The following TNR variants were observed in gnomAD, a reference collection of about 807,000 sequenced individuals.
The protein encoded by TNR is tenascin-R.
TNR carries 45 observed loss-of-function variants against 150.4 expected under a neutral mutation model. The observed-to-expected ratio is 0.30, with a 90% CI of 0.24 to 0.38. TNR has a LOEUF of 0.38. Among genes scored for constraint, TNR ranks in the 10% least tolerant of loss-of-function variants. TNR has a pLI of 1.00. For synonymous variants in TNR, 687 were observed against 678.4 expected (o/e 1.01, Z -0.20); for missense variants, 1,544 against 1,759.1 (o/e 0.88, Z 2.19).
intron 2 of TNR, among the ~76,000 whole-genome samples, chr1:175,508,716 G>A (rs1054151831): frequency 5.9e-5 from 9 of 152,184 alleles, no homozygotes; most frequent in African/African-American, 2.2e-4. Context: ...CCAGCTAACA[G>A]CTTGATTGTA....
chr1:175,330,242 A>G lies in TNR; in HGVS notation c.3632-7T>C. 6.5e-7 allele frequency: 1 copy of G among 1,529,206 alleles called. No individual in the cohort carries two copies. Among genetic ancestry groups the G allele is most frequent in the Non-Finnish European group, 8.9e-7 (1 of 1,125,920 alleles). 94.7% of individuals were successfully genotyped at this position (1,529,206 alleles called of 1,614,324 possible). A position where few individuals can be genotyped will look rare whatever the true frequency, so the allele number is the denominator to read the frequency against. On this transcript the variant is annotated splice_polypyrimidine_tract_variant and splice_region_variant and intron_variant, in intron 20 of 22. Coordinates refer to ENST00000367674, the MANE Select transcript of TNR (RefSeq NM_003285.3). ...CTGTGTATATTGTCCAGCCCTGTGG[A>G]GAAGAGCAGAAAATGCACTGAGACT...
chr1:175,617,245 T>C (rs1048165862), intron 1 of TNR, among the ~76,000 whole-genome samples: 2 of 152,218 alleles, frequency 1.3e-5, no homozygotes, highest in African/African-American at 4.8e-5. Context: ...AAAATATCTC[T>C]TCCTCAGAAT....
intron 7 of TNR, among the ~76,000 whole-genome samples, chr1:175,390,944 G>A (rs1653139819): frequency 5.3e-5 from 8 of 152,214 alleles, no homozygotes; most frequent in Admixed American, 5.2e-4. Flanking sequence ...ATCATCATAG[G>A]TAAGAATGAG....
chr1:175,408,975 C>A (rs965937416), intron 2 of TNR, among the ~76,000 whole-genome samples: 5 of 152,310 alleles, frequency 3.3e-5, no homozygotes, highest in East Asian at 1.9e-4. Flanking sequence ...CACTTCCAGA[C>A]AAGGTAAATA....
intron 2 of TNR, among the ~76,000 whole-genome samples, chr1:175,507,233 A>G (rs757142703): frequency 6.6e-6 from 1 of 152,106 alleles, no homozygotes; most frequent in South Asian, 2.1e-4. Flanking sequence ...ACGAGGATGG[A>G]GTTGCTATGA....
chr1:175,367,080 A>G, intron 10 of TNR, 128 bp downstream of exon 10: 1 of 741,178 alleles, frequency 1.3e-6, no homozygotes, highest in East Asian at 2.6e-5. Context: ...CTAGGCTGAC[A>G]GTTGTCACCA....
intron 1 of TNR, among the ~76,000 whole-genome samples, chr1:175,634,985 TCCCTA>T (rs1664451336): frequency 6.6e-6 from 1 of 152,044 alleles, no homozygotes; most frequent in South Asian, 2.1e-4. Context: ...AAGCCACGGG[TCCCTA>T]CCTAGCCCCT....
intron 1 of TNR, among the ~76,000 whole-genome samples, chr1:175,666,183 CAGAG>C (rs1665527882): frequency 6.6e-6 from 1 of 152,164 alleles, no homozygotes; most frequent in Non-Finnish European, 1.5e-5. Context: ...CATTGAGACT[CAGAG>C]AGGTTGTACG....
rs186883354 is a variant in TNR at position 175,739,964 on chromosome 1, T to G, written c.-165+3262A>C. Among the ~76,000 whole-genome samples the G allele has an allele frequency of 5.0e-3, 766 of 152,326 alleles. 5 individuals carry two copies. Among genetic ancestry groups the G allele is most frequent in the Non-Finnish European group, 6.6e-3 (450 of 68,018 alleles). ...TATGAACTCCATCAAATAACTCAGGTCAGCTCTGAGGCAGTTGCCTGCAGG... is the reference window on the plus strand; with the variant it reads ...TATGAACTCCATCAAATAACTCAGGGCAGCTCTGAGGCAGTTGCCTGCAGG... On this transcript the variant is annotated intron_variant, in intron 1 of 22. Transcript: ENST00000367674.
intron 2 of TNR, among the ~76,000 whole-genome samples, chr1:175,437,098 C>A (rs1354326472): frequency 1.3e-5 from 2 of 152,190 alleles, no homozygotes; most frequent in Non-Finnish European, 2.9e-5. Context: ...CACACCACAC[C>A]AATTCCAAAA....
At position 175,315,564 on chromosome 1, in the gene TNR, G is replaced by C. The variant is rs934712798; in HGVS notation, c.*7793C>G. The stretch of plus-strand genomic sequence containing the variant: ...TGAAAAGGCTGTTAAAGGTTAAAAT[G>C]ACAAACTCAAATTCAAAGGGATTGG... On this transcript the variant is annotated 3_prime_UTR_variant, in exon 23 of 23. Coordinates refer to ENST00000367674, the MANE Select transcript of TNR (RefSeq NM_003285.3). 1 of 152,066 alleles carries C rather than the reference G, an allele frequency of 6.6e-6. No individual in the cohort carries two copies. Among genetic ancestry groups the C allele is most frequent in the Non-Finnish European group, 1.5e-5 (1 of 68,022 alleles). 9.4% of individuals were successfully genotyped at this position (152,066 alleles called of 1,614,324 possible).
chr1:175,393,005 TC>T (rs1245514049), intron 6 of TNR, among the ~76,000 whole-genome samples: 2 of 152,230 alleles, frequency 1.3e-5, no homozygotes, highest in African/African-American at 4.8e-5. Context: ...TAAAAAATGT[TC>T]TTTGATGTTG....
intron 20 of TNR, among the ~76,000 whole-genome samples, chr1:175,331,036 T>TC (rs1649757271): frequency 8.3e-5 from 6 of 72,714 alleles, no homozygotes; most frequent in Non-Finnish European, 1.8e-4. Flanking sequence ...TTTCTTTCTT[T>TC]CTTTCTTTCT....
chr1:175,659,936 A>T (rs1397980687), intron 1 of TNR, among the ~76,000 whole-genome samples: 4 of 128,486 alleles, frequency 3.1e-5, no homozygotes, highest in African/African-American at 8.9e-5. Context: ...GCTGCTCTTA[A>T]TTTTTCTTTC....
At chr1:175,641,973 T>C (rs1462959451) in intron 1 of TNR, among the ~76,000 whole-genome samples, 1 of 152,170 alleles carries the variant, frequency 6.6e-6, no homozygotes, top group Non-Finnish European at 1.5e-5. Context: ...GCTAATGCTA[T>C]GATGATTAAT....
At chr1:175,377,418 G>C (rs1048917017) in intron 9 of TNR, among the ~76,000 whole-genome samples, 32 of 150,814 alleles carry the variant, frequency 2.1e-4, no homozygotes, top group Middle Eastern at 3.5e-3. Flanking sequence ...AGGCAGGGAT[G>C]GGCTGCGCTT....
At position 175,403,664 on chromosome 1, in the gene TNR, T is replaced by C. The variant is rs570510557; in HGVS notation, c.500-48A>G. The C allele has an allele frequency of 7.6e-5, 114 of 1,496,542 alleles. No individual in the cohort carries two copies. In the South Asian group the frequency reaches 1.0e-3, roughly 14 times the overall value. The allele number at this position is 1,496,542 out of a possible 1,614,324, so 92.7% of individuals were successfully genotyped here. ...CAAAGAGCAGCAGTGGCCTCTCCTG[T>C]CAATGGTGCTGGGGAAGGATGGGCA... is the stretch of plus-strand genomic sequence containing the variant. On this transcript the variant is annotated intron_variant, in intron 3 of 22. Coordinates refer to ENST00000367674, the MANE Select transcript of TNR (RefSeq NM_003285.3).
At chr1:175,681,116 AG>A (rs936308403) in intron 1 of TNR, among the ~76,000 whole-genome samples, 7 of 152,182 alleles carry the variant, frequency 4.6e-5, no homozygotes, top group African/African-American at 1.7e-4. Flanking sequence ...GACAGGAAGA[AG>A]GGGGGCAGGG....
At chr1:175,474,158 C>T (rs1050671982) in intron 2 of TNR, among the ~76,000 whole-genome samples, 2 of 152,104 alleles carry the variant, frequency 1.3e-5, no homozygotes, top group African/African-American at 4.8e-5. Context: ...TAAGTGGACA[C>T]AATGGGGAGA....
Sources: gnomAD v4.1 joint callset for allele counts (sites outside exome capture counted in the v4.1 genomes callset) on GRCh38, gnomAD v4.1.1 for gene constraint, MANE v1.5 for transcripts, NCBI Gene and HGNC (gene_info 2026-07-23, HGNC 2026-07-21) for gene names.